BEGAIN: variants seen among roughly 807,000 people sequenced by gnomAD.
BEGAIN encodes brain enriched guanylate kinase associated.
In BEGAIN, 19 loss-of-function variants were observed where a neutral mutation model predicts 35.8. The ratio of observed to expected loss-of-function variants is 0.53; its 90% CI spans 0.37 to 0.78. BEGAIN has a LOEUF of 0.78. Among genes scored for constraint, BEGAIN ranks in the 30% least tolerant of loss-of-function variants. BEGAIN has a pLI of 0.00. For missense variants in BEGAIN, 795 were observed against 853.6 expected (o/e 0.93, Z 0.85); for synonymous variants, 462 against 388.6 (o/e 1.19, Z -2.22).
chr14:100,543,165 A>G (rs1189561117), intron 5 of BEGAIN, among the ~76,000 whole-genome samples: 2 of 152,210 alleles, frequency 1.3e-5, no homozygotes, highest in African/African-American at 4.8e-5. Context: ...CCCTCTTGAA[A>G]TCTGCAGGCC....
chr14:100,561,096 G>T (rs909673860), intron 2 of BEGAIN, among the ~76,000 whole-genome samples: 24 of 152,174 alleles, frequency 1.6e-4, no homozygotes, highest in African/African-American at 5.3e-4. Context: ...AAACAGGCAC[G>T]TGGCATCGCC....
Position 100,563,075 on chromosome 14 carries a change from G to A in BEGAIN, c.71+4836C>T, listed in dbSNP as rs1219893060. Among the ~76,000 whole-genome samples, 4 of 152,158 alleles carry A rather than the reference G, an allele frequency of 2.6e-5. No individual in the cohort carries two copies. Among genetic ancestry groups the A allele is most frequent in the African/African-American group, 7.2e-5 (3 of 41,434 alleles). On this transcript the variant is annotated intron_variant, in intron 2 of 6. Transcript: ENST00000554140. This position sits in a 1 kb window ranked among gnomAD's most constrained non-coding sequence, Gnocchi z 4.2. ...AGGGCAGGACAGGGTCAGGACCTTC[G>A]AGGCCACCTGCTCTCCATCTGTCTC... is the stretch of plus-strand genomic sequence containing the variant.
chr14:100,564,802 G>A (rs1056609324), intron 2 of BEGAIN, among the ~76,000 whole-genome samples: 2 of 152,068 alleles, frequency 1.3e-5, no homozygotes, highest in African/African-American at 4.8e-5. Context: ...GCCCATCTGG[G>A]GCCCTGGGGA....
intron 6 of BEGAIN, among the ~76,000 whole-genome samples, chr14:100,539,968 C>T (rs61992981): frequency 8.9e-5 from 13 of 146,190 alleles, no homozygotes; most frequent in East Asian, 8.8e-4. Context: ...GGTCGGGGGA[C>T]GGGGTGCGCA....
At chr14:100,587,009 C>T (rs940450640) in intron 1 of BEGAIN, among the ~76,000 whole-genome samples, 1 of 151,832 alleles carries the variant, frequency 6.6e-6, no homozygotes, top group Non-Finnish European at 1.5e-5. Context: ...CGGGCGCTCC[C>T]GGCGGCGCGC....
chr14:100,542,588 C>A (rs574196519), intron 5 of BEGAIN, among the ~76,000 whole-genome samples: 2 of 152,276 alleles, frequency 1.3e-5, no homozygotes, highest in Admixed American at 6.5e-5. Context: ...TGGCAGGCAA[C>A]TCCTTTTGTT....
At chr14:100,572,838 CTAAGA>C (rs1471426451) in intron 1 of BEGAIN, among the ~76,000 whole-genome samples, 1 of 152,126 alleles carries the variant, frequency 6.6e-6, no homozygotes, top group Admixed American at 6.5e-5. Context: ...GGACAGCTTT[CTAAGA>C]TGTTTTACAT....
rs1430362185 is a variant in BEGAIN, at chr14:100,568,634, C to A, written c.43-695G>T. The A allele has an allele frequency of 7.2e-6, 5 of 692,790 alleles. No homozygotes were observed. The highest frequency in any genetic ancestry group is 5.7e-6 in the Non-Finnish European group (3 of 525,506). 42.9% of individuals were successfully genotyped at this position (692,790 alleles called of 1,614,324 possible). Reference sequence around the variant, plus strand: ...GCCCGCGCGCGGCTTGGAGACCCTCCCTGCCCAGCCCCGCTCAGCCGGGCA... The same window carrying A: ...GCCCGCGCGCGGCTTGGAGACCCTCACTGCCCAGCCCCGCTCAGCCGGGCA... On this transcript the variant is annotated intron_variant, in intron 1 of 6. Coordinates refer to ENST00000554140, the MANE Select transcript of BEGAIN (RefSeq NM_001385089.1). This position sits in a 1 kb window ranked among gnomAD's most constrained non-coding sequence, Gnocchi z 7.5.
chr14:100,538,854 G>A lies in BEGAIN; in HGVS notation c.954C>T (p.Ser318=). The A allele has an allele frequency of 1.9e-6, 3 of 1,607,158 alleles. No individual in the cohort carries two copies. The highest frequency in any genetic ancestry group is 2.5e-6 in the Non-Finnish European group (3 of 1,178,298). ...CCGACGTGGCGCTGAAGCTGGAGTA[G>A]GAGCTGGACGTGGGCAGTGAGCCTG... ...SYAGSLPTSS[S]YSSFSATSEE... is the part of the protein sequence containing the mutation. Residue 318 remains serine, a synonymous_variant, in exon 7 of 7, where the codon TCC becomes TCT. Transcript: ENST00000554140.
In BEGAIN at chr14:100,537,939, C is replaced by A. The variant is rs565453943; in HGVS notation, c.*30G>T. 8.3e-6 allele frequency: 13 copies of A among 1,575,180 alleles called. No homozygotes were observed. In the South Asian group the frequency reaches 1.5e-4, roughly 18 times the overall value. On this transcript the variant is annotated 3_prime_UTR_variant, in exon 7 of 7. Coordinates refer to ENST00000554140, the MANE Select transcript of BEGAIN (RefSeq NM_001385089.1). ...CTGGGGCACGTGGGCTGGCGGGGAG[C>A]GAACCACGGCCAGGCCTGCACGCAG...
chr14:100,564,179 G>A (rs1242721356), intron 2 of BEGAIN, among the ~76,000 whole-genome samples: 1 of 151,538 alleles, frequency 6.6e-6, no homozygotes, highest in African/African-American at 2.4e-5. Context: ...TGGCCATGTT[G>A]AACTCCTTGA....
Position 100,572,444 on chromosome 14 carries a change from A to G in BEGAIN, c.43-4505T>C, listed in dbSNP as rs78061168. On this transcript the variant is annotated intron_variant, in intron 1 of 6. Coordinates refer to ENST00000554140, the MANE Select transcript of BEGAIN (RefSeq NM_001385089.1). ...CCTGTCCCAGCTCTGCCTCCGACTC[A>G]GGCCAGCCCCACCCTCCCTCAGGGC... 2.6e-3 allele frequency among the ~76,000 whole-genome samples: 401 copies of G among 152,226 alleles called. 9 individuals carry two copies. The East Asian group carries it at 0.032, about 12-fold the overall frequency.
At chr14:100,566,695 G>T (rs866697619) in intron 2 of BEGAIN, among the ~76,000 whole-genome samples, 4 of 152,198 alleles carry the variant, frequency 2.6e-5, no homozygotes, top group Non-Finnish European at 5.9e-5. Context: ...GACAAGGTGG[G>T]CCTGGCTGAT....
intron 2 of BEGAIN, among the ~76,000 whole-genome samples, chr14:100,559,348 G>A (rs1286647044): frequency 1.3e-5 from 2 of 152,180 alleles, no homozygotes; most frequent in Non-Finnish European, 2.9e-5. Flanking sequence ...CTTGGCCCCG[G>A]ATCCCCTGCC....
At chr14:100,548,363 A>C (rs1278085474) in intron 2 of BEGAIN, 3 of 152,100 alleles carry the variant, frequency 2.0e-5, no homozygotes, top group African/African-American at 7.2e-5. Flanking sequence ...CTGGGCTCCT[A>C]GGGCAGGCAC....
rs10140554 is a variant in BEGAIN, at chr14:100,569,737, C to G, written c.43-1798G>C. ...GTGTTCCTCCATCCACGGACACCCACTCGTTCACTAGCTCTGGGCTAAGTT... is the reference window on the plus strand; with the variant it reads ...GTGTTCCTCCATCCACGGACACCCAGTCGTTCACTAGCTCTGGGCTAAGTT... On this transcript the variant is annotated intron_variant, in intron 1 of 6. Transcript: ENST00000554140. The G allele has an allele frequency of 0.2, 30,590 of 154,624 alleles. 3,759 individuals are homozygous for G. Among genetic ancestry groups the G allele is most frequent in the East Asian group, 0.54 (2,801 of 5,156 alleles). 9.6% of individuals were successfully genotyped at this position (154,624 alleles called of 1,614,324 possible). A position where few individuals can be genotyped will look rare whatever the true frequency, so the allele number is the denominator to read the frequency against.
In BEGAIN at chr14:100,540,599, G is replaced by A. The variant is rs777984653; in HGVS notation, c.409-20C>T. The A allele has an allele frequency of 2.2e-5, 35 of 1,572,956 alleles. No homozygotes were observed. The highest frequency in any genetic ancestry group is 2.1e-4 in the South Asian group (18 of 86,742). On this transcript the variant is annotated intron_variant, in intron 5 of 6. Transcript: ENST00000554140. ...GAGCTCCTAAAAGACAAGAGAAGGC[G>A]TTTGGCGCCATTCACCCCAGCCAAG...
At position 100,538,102 on chromosome 14, in the gene BEGAIN, A is replaced by G; in HGVS notation, c.1706T>C (p.Met569Thr). The change falls in exon 7 of 7, where the codon ATG becomes ACG. Residue 569 changes from methionine to threonine, a missense_variant. Transcript: ENST00000554140. ...AGGATGCATTTCCGGGGAGGCCTCCATGGAGCTCGGCTCCAAGGAGTCCCT... is the reference window on the plus strand; with the variant it reads ...AGGATGCATTTCCGGGGAGGCCTCCGTGGAGCTCGGCTCCAAGGAGTCCCT... ...GSRDSLEPSS[M>T]EASPEMHPAA... 1 of 1,577,218 alleles carries G rather than the reference A, an allele frequency of 6.3e-7. No homozygotes were observed.
At chr14:100,552,088 G>A (rs2033265132) in intron 2 of BEGAIN, among the ~76,000 whole-genome samples, 1 of 152,190 alleles carries the variant, frequency 6.6e-6, no homozygotes, top group Non-Finnish European at 1.5e-5. Context: ...CCCTTGCCAA[G>A]GAGACCCCAC....
Sources: gnomAD v4.1 joint callset for allele counts (sites outside exome capture counted in the v4.1 genomes callset) on GRCh38, gnomAD v4.1.1 for gene constraint, Gnocchi (gnomAD v3.1) non-coding constraint, MANE v1.5 for transcripts, NCBI Gene and HGNC (gene_info 2026-07-23, HGNC 2026-07-21) for gene names.